Variants in CENPC observed in about 807,000 individuals in gnomAD.
CENPC encodes centromere protein C, also known as CENP-C 1.
CENPC carries 63 observed loss-of-function variants against 112.1 expected under a neutral mutation model. The observed-to-expected ratio is 0.56, with a 90% CI of 0.46 to 0.69. CENPC has a LOEUF of 0.69. Ranked by LOEUF, CENPC falls within the 30% of genes least tolerant of loss-of-function variation. The pLI is 0.00. For synonymous variants in CENPC, 333 were observed against 367.6 expected, an observed-to-expected ratio of 0.91 and a Z score of 1.08; for missense variants, 1,000 against 1,103.8, an observed-to-expected ratio of 0.91 and a Z score of 1.33.
intron 11 of CENPC, among the ~76,000 whole-genome samples, chr4:67,506,028 T>A (rs1223894939): frequency 1.3e-5 from 2 of 152,208 alleles, no homozygotes; most frequent in East Asian, 3.8e-4. Context: ...TAAATCTCTT[T>A]CTACCTATTA....
At chr4:67,489,330 C>T (rs2109773121) in intron 17 of CENPC, among the ~76,000 whole-genome samples, 1 of 151,972 alleles carries the variant, frequency 6.6e-6, no homozygotes, top group East Asian at 1.9e-4. Flanking sequence ...GAAACTGACT[C>T]ACCTTGAATC....
At chr4:67,512,621 CA>C in intron 8 of CENPC, 52 bp from the exon 9 acceptor site, 1 of 1,270,520 alleles carries the variant, frequency 7.9e-7, no homozygotes, top group Non-Finnish European at 1.0e-6. Context: ...AAAGAGTTTT[CA>C]GAAAACCACA....
chr4:67,515,091 T>C (rs1308581060), intron 7 of CENPC, among the ~76,000 whole-genome samples: 2 of 152,060 alleles, frequency 1.3e-5, no homozygotes, highest in African/African-American at 2.4e-5. Flanking sequence ...TCTGAATTTC[T>C]TCACATTCAA....
chr4:67,483,719 C>A (rs1037902720), intron 17 of CENPC, among the ~76,000 whole-genome samples: 2 of 151,890 alleles, frequency 1.3e-5, no homozygotes, highest in African/African-American at 4.8e-5. Context: ...TGATCCTAAT[C>A]TTGTGTAGCC....
At position 67,541,063 on chromosome 4, in the gene CENPC, A is replaced by G; in HGVS notation, c.66-13T>C. ...AATGTCACGTGCCCTAATAAAGGAA[A>G]AATACAGCCTGTCATTTTCAGAAGA... On this transcript the variant is annotated splice_polypyrimidine_tract_variant and intron_variant, in intron 2 of 18. Coordinates refer to ENST00000273853, the MANE Select transcript of CENPC (RefSeq NM_001812.4). 6.4e-7 allele frequency: 1 copy of G among 1,574,086 alleles called. No homozygotes were observed. The highest frequency in any genetic ancestry group is 2.3e-5 in the East Asian group (1 of 44,136).
At chr4:67,531,989 C>T (rs1726564521) in intron 4 of CENPC, among the ~76,000 whole-genome samples, 2 of 152,176 alleles carry the variant, frequency 1.3e-5, no homozygotes, top group African/African-American at 4.8e-5. Context: ...TTTTTACAAT[C>T]TACCCATCTG....
intron 17 of CENPC, among the ~76,000 whole-genome samples, chr4:67,486,066 T>A (rs1725085736): frequency 6.6e-6 from 1 of 152,178 alleles, no homozygotes; most frequent in Non-Finnish European, 1.5e-5. Context: ...TTTGCCTTAA[T>A]CAAAAAGACA....
chr4:67,491,472 TATATATATAGAGAGAG>T (rs1214983067), intron 16 of CENPC, among the ~76,000 whole-genome samples: 44 of 39,254 alleles, frequency 1.1e-3, no homozygotes, highest in African/African-American at 2.7e-3. Context: ...TATATATATA[TATATATATAGAGAGAG>T]AGAGAGAGAG....
chr4:67,545,498 A>T lies in CENPC; in HGVS notation c.-143T>A, dbSNP rs1727011290. On this transcript the variant is annotated 5_prime_UTR_variant, in exon 1 of 19. Transcript: ENST00000273853. ...CCTTAAGTCTCAGGCGACTGCCGCGAGAGCTGCGATCCGGAAGGCGCGCGC... is the reference window on the plus strand; with the variant it reads ...CCTTAAGTCTCAGGCGACTGCCGCGTGAGCTGCGATCCGGAAGGCGCGCGC... 7 of 767,190 alleles carry T rather than the reference A, an allele frequency of 9.1e-6. No homozygotes were observed. The highest frequency in any genetic ancestry group is 1.3e-5 in the Non-Finnish European group (7 of 538,374). 47.5% of individuals were successfully genotyped at this position (767,190 alleles called of 1,614,324 possible). A position where few individuals can be genotyped will look rare whatever the true frequency, so the allele number is the denominator to read the frequency against.
chr4:67,504,968 T>C, intron 12 of CENPC: 1 of 485,384 alleles, frequency 2.1e-6, no homozygotes, highest in Non-Finnish European at 3.6e-6. Flanking sequence ...CAATTTTAAA[T>C]ACTGGAGTAG....
At chr4:67,473,333 C>T (rs190075752) in intron 18 of CENPC, among the ~76,000 whole-genome samples, 1 of 152,256 alleles carries the variant, frequency 6.6e-6, no homozygotes, top group African/African-American at 2.4e-5. Context: ...TCACATGTGA[C>T]AGGCTTATTA....
At chr4:67,535,921 G>C (rs1421628466) in intron 4 of CENPC, among the ~76,000 whole-genome samples, 2 of 152,104 alleles carry the variant, frequency 1.3e-5, no homozygotes, top group African/African-American at 2.4e-5. Context: ...GTTGGACTTG[G>C]AGGAGGAAAA....
At chr4:67,512,800 A>C (rs550799878) in intron 8 of CENPC, among the ~76,000 whole-genome samples, 1 of 152,082 alleles carries the variant, frequency 6.6e-6, no homozygotes, top group African/African-American at 2.4e-5. Flanking sequence ...GATAACTCTT[A>C]TATACTCCTC....
intron 4 of CENPC, among the ~76,000 whole-genome samples, chr4:67,537,856 C>G (rs906509868): frequency 1.3e-5 from 2 of 152,034 alleles, no homozygotes; most frequent in African/African-American, 4.8e-5. Flanking sequence ...TGGTGATATG[C>G]ACCTATAGTC....
intron 17 of CENPC, among the ~76,000 whole-genome samples, chr4:67,487,138 A>G (rs1232114966): frequency 6.6e-6 from 1 of 151,974 alleles, no homozygotes; most frequent in African/African-American, 2.4e-5. Context: ...AGGGATTGCA[A>G]ATGGTAGTAT....
At chr4:67,482,762 G>A (rs1440095265) in intron 17 of CENPC, among the ~76,000 whole-genome samples, 1 of 152,194 alleles carries the variant, frequency 6.6e-6, no homozygotes, top group African/African-American at 2.4e-5. Context: ...GTGGGAGGAG[G>A]AGAGGTATAA....
At chr4:67,496,001 T>C (rs1262089952) in intron 12 of CENPC, among the ~76,000 whole-genome samples, 3 of 152,150 alleles carry the variant, frequency 2.0e-5, no homozygotes, top group Non-Finnish European at 4.4e-5. Context: ...GCAACAGAAA[T>C]GATGTTCTGG....
At chr4:67,475,088 T>C (rs948678747) in intron 17 of CENPC, 110 bp from the exon 18 acceptor site, 2 of 644,966 alleles carry the variant, frequency 3.1e-6, no homozygotes. Flanking sequence ...TGTGCTGGCT[T>C]TAATCTCCAG....
At chr4:67,490,871 T>TAG (rs1285745398) in intron 16 of CENPC, among the ~76,000 whole-genome samples, 8,911 of 53,950 alleles carry the variant, frequency 0.17, 402 homozygotes, top group African/African-American at 0.18. Flanking sequence ...TATATATATA[T>TAG]ATATATAGAA....
Sources: allele counts gnomAD v4.1 joint callset (sites outside exome capture counted in the v4.1 genomes callset), GRCh38; gene constraint gnomAD v4.1.1; transcripts MANE v1.5; gene names NCBI Gene and HGNC (gene_info 2026-07-23, HGNC 2026-07-21).